Variants in SYT16 observed in about 807,000 individuals in gnomAD.
SYT16 encodes synaptotagmin 16, also known as synaptotagmin-16.
Under a neutral mutation model 61.4 loss-of-function variants are expected in SYT16, and 42 were observed. The ratio of observed to expected loss-of-function variants is 0.68; its 90% CI spans 0.53 to 0.89. The LOEUF is 0.89. Ranked by LOEUF, SYT16 falls within the 40% of genes least tolerant of loss-of-function variation. SYT16 has a pLI of 0.00. For synonymous variants in SYT16, 314 were observed against 302.3 expected, an observed-to-expected ratio of 1.04 and a Z score of -0.40; for missense variants, 804 against 807.3, an observed-to-expected ratio of 1.00 and a Z score of 0.05.
chr14:62,053,801 G>A (rs182931370), intron 3 of SYT16, among the ~76,000 whole-genome samples: 6 of 152,238 alleles, frequency 3.9e-5, no homozygotes, highest in Admixed American at 3.9e-4. Flanking sequence ...AAAATGAATG[G>A]AACAAAAGGC....
At chr14:61,832,652 G>T (rs2045977808) in intron 1 of SYT16, among the ~76,000 whole-genome samples, 2 of 152,102 alleles carry the variant, frequency 1.3e-5, no homozygotes, top group South Asian at 4.1e-4. Context: ...TGGCCAGGCT[G>T]GTCTCGGACA....
intron 2 of SYT16, among the ~76,000 whole-genome samples, chr14:61,983,446 T>A (rs1445684977): frequency 6.6e-6 from 1 of 152,208 alleles, no homozygotes; most frequent in African/African-American, 2.4e-5. Flanking sequence ...TTTTGAATCT[T>A]ATTTTCTTAT....
chr14:62,012,960 T>G lies in SYT16; in HGVS notation c.523+16418T>G, dbSNP rs541315448. On this transcript the variant is annotated intron_variant, in intron 3 of 7. Coordinates refer to ENST00000683842, the MANE Select transcript of SYT16 (RefSeq NM_001367656.1). ...AAGACAAGAGACTTGCCAAGAATCC[T>G]TATTGGTTTTGTAGATCACTTCAGG... 2.0e-5 allele frequency among the ~76,000 whole-genome samples: 3 copies of G among 152,326 alleles called. No homozygotes were observed. The South Asian group carries it at 6.2e-4, about 32-fold the overall frequency.
intron 4 of SYT16, among the ~76,000 whole-genome samples, chr14:62,073,580 G>T (rs7148410): frequency 0.42 from 63,610 of 152,028 alleles, 14,477 homozygotes; most frequent in African/African-American, 0.61. Flanking sequence ...ACTGAATAAT[G>T]AAGGATAACG....
At chr14:62,008,134 T>C (rs2053298513) in intron 3 of SYT16, among the ~76,000 whole-genome samples, 2 of 152,102 alleles carry the variant, frequency 1.3e-5, no homozygotes, top group South Asian at 4.1e-4. Context: ...AATATGGAGA[T>C]ATTATCCTCT....
chr14:62,022,218 C>T (rs898411653), intron 3 of SYT16, among the ~76,000 whole-genome samples: 2 of 152,114 alleles, frequency 1.3e-5, no homozygotes, highest in Admixed American at 1.3e-4. Flanking sequence ...TAGTACTTCT[C>T]ATAGTGCCAG....
rs192721987 is a variant in SYT16, at chr14:62,051,134, C to T, written c.524-18469C>T. ...TGGGCTCCACCCAGTTCGAGCTTCC[C>T]GGCTGCTTTGTTTACCTACTCAAGC... is the stretch of plus-strand genomic sequence containing the variant. On this transcript the variant is annotated intron_variant, in intron 3 of 7. Transcript: ENST00000683842. 1.9e-4 allele frequency among the ~76,000 whole-genome samples: 29 copies of T among 152,352 alleles called. No homozygotes were observed. In the South Asian group the frequency reaches 2.5e-3, roughly 13 times the overall value.
rs1555370087 is a variant in SYT16 at position 62,011,926 on chromosome 14, C to CACATATATATATAT, written c.523+15385_523+15386insCATATATATATATA. Among the ~76,000 whole-genome samples, 13 of 132,770 alleles carry CACATATATATATAT rather than the reference C, an allele frequency of 9.8e-5. 1 individual carries two copies. Among genetic ancestry groups the CACATATATATATAT allele is most frequent in the Admixed American group, 5.1e-4 (7 of 13,650 alleles). 87.1% of individuals were successfully genotyped at this position (132,770 alleles called of 152,430 possible). A position where few individuals can be genotyped will look rare whatever the true frequency, so the allele number is the denominator to read the frequency against. On this transcript the variant is annotated intron_variant, in intron 3 of 7. Coordinates refer to ENST00000683842, the MANE Select transcript of SYT16 (RefSeq NM_001367656.1). ...ACACATATATATACACACACACACA[C>CACATATATATATAT]ATATATATATATATATTTGATGCTG...
At chr14:61,922,737 A>G (rs745553467) in intron 1 of SYT16, among the ~76,000 whole-genome samples, 4 of 152,198 alleles carry the variant, frequency 2.6e-5, no homozygotes, top group African/African-American at 4.8e-5. Context: ...TAGCAATGAA[A>G]CTAGTGTTAC....
chr14:62,008,583 A>G (rs2053316550), intron 3 of SYT16, among the ~76,000 whole-genome samples: 1 of 151,556 alleles, frequency 6.6e-6, no homozygotes, highest in Admixed American at 6.6e-5. Flanking sequence ...CACTGGGGTA[A>G]AACAAATCTA....
chr14:62,081,722 T>C (rs1198750595), intron 6 of SYT16, among the ~76,000 whole-genome samples: 1 of 152,180 alleles, frequency 6.6e-6, no homozygotes, highest in African/African-American at 2.4e-5. Context: ...TTTGTGTTAC[T>C]ACCGTCTTCC....
At chr14:62,059,701 T>G (rs146275259) in intron 3 of SYT16, among the ~76,000 whole-genome samples, 2 of 123,928 alleles carry the variant, frequency 1.6e-5, no homozygotes, top group Admixed American at 7.2e-5. Context: ...TGTATATATA[T>G]ACATATAATT....
intron 1 of SYT16, among the ~76,000 whole-genome samples, chr14:61,879,503 G>T (rs11849180): frequency 0.098 from 14,976 of 152,152 alleles, 1,199 homozygotes; most frequent in African/African-American, 0.21. Flanking sequence ...TTAGGACCCA[G>T]ATAATAATAT....
chr14:61,949,512 CAGGTA>C (rs2050583566), intron 1 of SYT16, among the ~76,000 whole-genome samples: 2 of 152,066 alleles, frequency 1.3e-5, no homozygotes, highest in South Asian at 2.1e-4. Context: ...TGGCTGTTCA[CAGGTA>C]TAATCATAGT....
chr14:62,067,786 A>C (rs142016915), intron 3 of SYT16, among the ~76,000 whole-genome samples: 717 of 151,490 alleles, frequency 4.7e-3, no homozygotes, highest in Non-Finnish European at 7.4e-3. Context: ...ACATGGTGAA[A>C]CCCTGTCTCT....
chr14:61,996,353 C>A lies in SYT16; in HGVS notation c.334C>A (p.His112Asn). Residue 112 changes from histidine (H) to asparagine (N), a missense_variant, in exon 3 of 8, where the codon CAT becomes AAT. By Grantham distance (68) the His-to-Asn change is moderately conservative. Coordinates refer to ENST00000683842, the MANE Select transcript of SYT16 (RefSeq NM_001367656.1). Reference protein sequence around the residue: ...AQNSSPSLSQHAKDSCSTMSQ... With the variant: ...AQNSSPSLSQNAKDSCSTMSQ... ...AAATTCAAGCCCAAGCCTTAGCCAA[C>A]ATGCAAAGGACTCATGTTCCACAAT... The A allele has an allele frequency of 6.2e-7, 1 of 1,613,490 alleles. No individual in the cohort carries two copies. Among genetic ancestry groups the A allele is most frequent in the South Asian group, 1.1e-5 (1 of 91,052 alleles).
chr14:61,940,016 CTG>C (rs1025249893), intron 1 of SYT16, among the ~76,000 whole-genome samples: 2 of 152,088 alleles, frequency 1.3e-5, no homozygotes, highest in Admixed American at 1.3e-4. Flanking sequence ...CAAAAAAACT[CTG>C]GCAATGCTCG....
At chr14:61,994,504 G>A (rs1193173804) in intron 2 of SYT16, among the ~76,000 whole-genome samples, 3 of 152,134 alleles carry the variant, frequency 2.0e-5, no homozygotes, top group African/African-American at 7.2e-5. Context: ...ATTGAGCAAA[G>A]GCTGGAGATG....
chr14:61,974,766 A>G (rs925266292), intron 2 of SYT16, among the ~76,000 whole-genome samples: 7 of 152,230 alleles, frequency 4.6e-5, no homozygotes, highest in South Asian at 2.1e-4. Context: ...TTCTCCAGAG[A>G]AAGATAAGAG....
Sources: allele counts gnomAD v4.1 joint callset (sites outside exome capture counted in the v4.1 genomes callset), GRCh38; gene constraint gnomAD v4.1.1; transcripts MANE v1.5; gene names NCBI Gene and HGNC (gene_info 2026-07-23, HGNC 2026-07-21).